The following RBMS3 variants were observed in gnomAD, a reference collection of about 807,000 sequenced individuals.
RBMS3 encodes RNA-binding motif, single-stranded-interacting protein 3.
In RBMS3, 27 loss-of-function variants were observed where a neutral mutation model predicts 66.8. The ratio of observed to expected loss-of-function variants is 0.40; its 90% CI spans 0.30 to 0.56. The LOEUF (loss-of-function observed/expected upper bound fraction) is 0.56, where lower values mean the gene tolerates loss of function less well. RBMS3 is among the 20% of genes least tolerant of loss of function. The pLI, the probability that RBMS3 is intolerant of heterozygous loss-of-function variation, is 0.40. For synonymous variants in RBMS3, 188 were observed against 183.0 expected (o/e 1.03, Z -0.22); for missense variants, 513 against 549.5 (o/e 0.93, Z 0.66).
At chr3:29,467,056 T>C (rs1161450199) in intron 2 of RBMS3, among the ~76,000 whole-genome samples, 1 of 152,184 alleles carries the variant, frequency 6.6e-6, no homozygotes, top group Non-Finnish European at 1.5e-5. Flanking sequence ...CAAGTGAAAA[T>C]GTATAATTTA....
Position 29,950,378 on chromosome 3 carries a change from T to C in RBMS3, c.1098+6124T>C, listed in dbSNP as rs369187162. ...CATCTACAAAAGGGCAGAGCCTACA[T>C]AATACGCAGCAGAGCACTTTCAAGA... On this transcript the variant is annotated intron_variant, in intron 12 of 14. Transcript: ENST00000383767. 5.9e-5 allele frequency among the ~76,000 whole-genome samples: 9 copies of C among 151,932 alleles called. No individual in the cohort carries two copies. The East Asian group carries it at 1.8e-3, about 30-fold the overall frequency.
rs7340601 is a variant in RBMS3 at position 29,837,345 on chromosome 3, T to G, written c.638-31513T>G. Among the ~76,000 whole-genome samples the G allele has an allele frequency of 1.7e-3, 256 of 152,110 alleles. 2 individuals are homozygous for G. The highest frequency in any genetic ancestry group is 5.9e-3 in the African/African-American group (246 of 41,544). On this transcript the variant is annotated intron_variant, in intron 6 of 14. Transcript: ENST00000383767. The stretch of plus-strand genomic sequence containing the variant: ...CTAGTTTTACTGTGGATTATTTTCC[T>G]TGTGTCCTGGGATTGATATTTAATT...
chr3:29,685,831 C>T (rs1308271870), intron 4 of RBMS3, among the ~76,000 whole-genome samples: 1 of 152,144 alleles, frequency 6.6e-6, no homozygotes, highest in East Asian at 1.9e-4. Context: ...ATGCACGTTC[C>T]GTCACAGTTA....
intron 12 of RBMS3, among the ~76,000 whole-genome samples, chr3:29,963,094 G>A (rs13076161): frequency 0.026 from 3,930 of 151,172 alleles, 126 homozygotes; most frequent in East Asian, 0.17. Context: ...AAAATCCCAT[G>A]GAAAAATGAT....
chr3:29,794,760 G>A (rs1040018496), intron 6 of RBMS3, among the ~76,000 whole-genome samples: 8 of 152,146 alleles, frequency 5.3e-5, no homozygotes, highest in African/African-American at 1.9e-4. Context: ...GAATCCTCAA[G>A]TTTAGGAGAT....
chr3:29,464,346 G>A (rs1373972187), intron 2 of RBMS3, among the ~76,000 whole-genome samples: 1 of 152,078 alleles, frequency 6.6e-6, no homozygotes, highest in Admixed American at 6.5e-5. Context: ...TGTTTAGTTT[G>A]GTTCAAGATT....
At chr3:29,405,280 C>T (rs991258120) in intron 1 of RBMS3, among the ~76,000 whole-genome samples, 1 of 152,138 alleles carries the variant, frequency 6.6e-6, no homozygotes, top group African/African-American at 2.4e-5. Context: ...TATCGTTTAA[C>T]CATGTTTACG....
chr3:29,558,273 T>A (rs945677968), intron 3 of RBMS3, among the ~76,000 whole-genome samples: 3 of 151,078 alleles, frequency 2.0e-5, no homozygotes, highest in Admixed American at 2.0e-4. Context: ...CTAGATTAAC[T>A]GGAACAGAAG....
intron 1 of RBMS3, among the ~76,000 whole-genome samples, chr3:29,381,105 C>T (rs2038744899): frequency 6.6e-6 from 1 of 152,004 alleles, no homozygotes; most frequent in Admixed American, 6.6e-5. Flanking sequence ...TTTTTTCTTA[C>T]CTCTTGCACC....
At position 30,010,056 on chromosome 3, in the gene RBMS3, T is replaced by C. The variant is rs1234627833; in HGVS notation, c.*6194T>C. 3 of 150,388 alleles carry C rather than the reference T, an allele frequency of 2.0e-5. No homozygotes were observed. Among genetic ancestry groups the C allele is most frequent in the African/African-American group, 7.5e-5 (3 of 40,064 alleles). 9.3% of individuals were successfully genotyped at this position (150,388 alleles called of 1,614,324 possible). A position where few individuals can be genotyped will look rare whatever the true frequency, so the allele number is the denominator to read the frequency against. ...AAAATATATGTAGTAGTATCTGCTA[T>C]GAGATATTCAGTCTCTATAAAAAAA... is the stretch of plus-strand genomic sequence containing the variant. On this transcript the variant is annotated 3_prime_UTR_variant, in exon 15 of 15. Transcript: ENST00000383767.
chr3:29,812,413 G>C (rs890751424), intron 6 of RBMS3, among the ~76,000 whole-genome samples: 1 of 152,130 alleles, frequency 6.6e-6, no homozygotes, highest in African/African-American at 2.4e-5. Context: ...TGATATGTTT[G>C]TTCTCCTGTT....
intron 3 of RBMS3, among the ~76,000 whole-genome samples, chr3:29,582,149 T>TATAG (rs3836342): frequency 0.33 from 48,353 of 144,536 alleles, 7,913 homozygotes; most frequent in Middle Eastern, 0.34. Context: ...AGAATTCCAT[T>TATAG]ATAGATAGAT....
At chr3:29,750,198 A>G (rs1476741815) in intron 5 of RBMS3, among the ~76,000 whole-genome samples, 1 of 152,148 alleles carries the variant, frequency 6.6e-6, no homozygotes, top group Non-Finnish European at 1.5e-5. Context: ...GTTCTGGCAG[A>G]TTTTACTTCG....
intron 4 of RBMS3, among the ~76,000 whole-genome samples, chr3:29,731,387 C>G (rs1391307909): frequency 6.6e-6 from 1 of 152,154 alleles, no homozygotes; most frequent in Non-Finnish European, 1.5e-5. Context: ...AGTCACCTTC[C>G]TCTAACTGAA....
chr3:29,334,228 T>C (rs2035822166), intron 1 of RBMS3, among the ~76,000 whole-genome samples: 1 of 152,214 alleles, frequency 6.6e-6, no homozygotes, highest in Non-Finnish European at 1.5e-5. Context: ...ATCATTACTA[T>C]TTAAGCTTTT....
chr3:29,333,455 A>G (rs2125519495), intron 1 of RBMS3, among the ~76,000 whole-genome samples: 1 of 152,294 alleles, frequency 6.6e-6, no homozygotes, highest in East Asian at 1.9e-4. Context: ...TTTAAAAAAA[A>G]TTCCACTGCA....
intron 4 of RBMS3, among the ~76,000 whole-genome samples, chr3:29,734,450 G>A (rs903278889): frequency 2.0e-5 from 3 of 152,026 alleles, no homozygotes; most frequent in Non-Finnish European, 2.9e-5. Flanking sequence ...TTATGAATAT[G>A]CTAATGACCC....
At chr3:29,767,235 T>G (rs1008143036) in intron 6 of RBMS3, 1 of 151,974 alleles carries the variant, frequency 6.6e-6, no homozygotes, top group Non-Finnish European at 1.5e-5. Context: ...TGTAGGGACA[T>G]GTATTGATGA....
chr3:29,499,859 C>T (rs924447230), intron 3 of RBMS3, among the ~76,000 whole-genome samples: 24 of 152,034 alleles, frequency 1.6e-4, no homozygotes, highest in Non-Finnish European at 2.6e-4. Flanking sequence ...CTGAAACAAA[C>T]GATTTTAGGG....
Sources: gnomAD v4.1 joint callset for allele counts (sites outside exome capture counted in the v4.1 genomes callset) on GRCh38, gnomAD v4.1.1 for gene constraint, MANE v1.5 for transcripts, NCBI Gene and HGNC (gene_info 2026-07-23, HGNC 2026-07-21) for gene names.